RAB11FIP1: variants seen among roughly 807,000 people sequenced by gnomAD.
RAB11FIP1 encodes RAB11 family interacting protein 1, also known as rab11 family-interacting protein 1.
Under a neutral mutation model 83.1 loss-of-function variants are expected in RAB11FIP1, and 49 were observed. That is an observed-to-expected ratio of 0.59 (90% CI 0.47 to 0.75). The LOEUF is 0.75. RAB11FIP1 is among the 30% of genes least tolerant of loss of function. The pLI, the probability that RAB11FIP1 is intolerant of heterozygous loss-of-function variation, is 0.00. For synonymous variants in RAB11FIP1, 670 were observed against 656.0 expected (o/e 1.02, Z -0.33); for missense variants, 1,536 against 1,598.7 (o/e 0.96, Z 0.67).
chr8:37,876,214 A>AAGGAAGGAAGG (rs1806604595), intron 2 of RAB11FIP1, among the ~76,000 whole-genome samples: 9 of 128,384 alleles, frequency 7.0e-5, no homozygotes, highest in East Asian at 6.8e-4. Context: ...GAAAAGAAAG[A>AAGGAAGGAAGG]AAGGAAGGAA....
intron 1 of RAB11FIP1, among the ~76,000 whole-genome samples, chr8:37,890,647 A>C (rs1485361200): frequency 1.3e-5 from 2 of 152,050 alleles, no homozygotes; most frequent in African/African-American, 4.8e-5. Flanking sequence ...CTGCTTCTTC[A>C]AGAAGAAAAG....
chr8:37,898,226 C>A (rs372655423), intron 1 of RAB11FIP1, among the ~76,000 whole-genome samples: 4 of 152,212 alleles, frequency 2.6e-5, no homozygotes, highest in East Asian at 3.9e-4. Flanking sequence ...CAAAAGCGCC[C>A]CAGGCCCGGC....
At chr8:37,894,884 C>T (rs915492980) in intron 1 of RAB11FIP1, among the ~76,000 whole-genome samples, 1 of 150,022 alleles carries the variant, frequency 6.7e-6, no homozygotes, top group Non-Finnish European at 1.5e-5. Flanking sequence ...CGAGTAGCTG[C>T]GATTACAGGC....
intron 5 of RAB11FIP1, among the ~76,000 whole-genome samples, chr8:37,870,079 T>G (rs7816803): frequency 0.74 from 112,400 of 151,882 alleles, 41,861 homozygotes; most frequent in East Asian, 0.98. Context: ...GGAGGATCAC[T>G]TGAGCCCAGG....
chr8:37,890,833 G>A (rs1325693003), intron 1 of RAB11FIP1, among the ~76,000 whole-genome samples: 2 of 151,532 alleles, frequency 1.3e-5, no homozygotes, highest in Non-Finnish European at 2.9e-5. Context: ...CCCCAAACTG[G>A]GAAACCAAAA....
chr8:37,872,181 G>A lies in RAB11FIP1; in HGVS notation c.2621C>T (p.Thr874Met), dbSNP rs146383982. The A allele has an allele frequency of 3.2e-4, 520 of 1,613,944 alleles. No homozygotes were observed. The highest frequency in any genetic ancestry group is 4.1e-4 in the Non-Finnish European group (478 of 1,179,986). ...RESVTTPGPA[T>M]CGAPASPADH... is the part of the protein sequence containing the mutation. ...CGCTGGGGAGGCTGGCGCACCACAC[G>A]TCGCTGGCCCAGGTGTGGTCACCGA... The change falls in exon 4 of 6, where the codon ACG (threonine) becomes ATG (methionine). Residue 874 changes from threonine (T) to methionine (M), a missense_variant. Transcript: ENST00000330843.
intron 5 of RAB11FIP1, among the ~76,000 whole-genome samples, 196 bp from the exon 6 acceptor site, chr8:37,863,309 G>A (rs1303563028): frequency 5.3e-5 from 8 of 151,860 alleles, no homozygotes; most frequent in Admixed American, 3.3e-4. Flanking sequence ...GCAGTGGCGC[G>A]ATCTCAGCTC....
At position 37,861,366 on chromosome 8, in the gene RAB11FIP1, T is replaced by C. The variant is rs1806228454; in HGVS notation, c.*1529A>G. On this transcript the variant is annotated 3_prime_UTR_variant, in exon 6 of 6. Transcript: ENST00000330843. ...CTGAGGCACCTGTTTTCTACTGACT[T>C]TTAACTTTTATTAACTACATTAAGC... The C allele has an allele frequency of 3.7e-6, 1 of 270,020 alleles. No homozygotes were observed. The highest frequency in any genetic ancestry group is 5.2e-5 in the Admixed American group (1 of 19,350). The allele number at this position is 270,020 out of a possible 1,614,324, so 16.7% of individuals were successfully genotyped here. A position where few individuals can be genotyped will look rare whatever the true frequency, so the allele number is the denominator to read the frequency against.
chr8:37,894,113 G>C (rs1427910718), intron 1 of RAB11FIP1, among the ~76,000 whole-genome samples: 1 of 152,134 alleles, frequency 6.6e-6, no homozygotes, highest in Non-Finnish European at 1.5e-5. Context: ...TTCCAGTAAG[G>C]CTCAATATTA....
rs1281491611 is a variant in RAB11FIP1 at position 37,871,695 on chromosome 8, T to TG, written c.3106dup (p.Gln1036ProfsTer29). On this transcript the variant is annotated frameshift_variant, in exon 4 of 6. Coordinates refer to ENST00000330843, the MANE Select transcript of RAB11FIP1 (RefSeq NM_001002814.3). LOFTEE classifies it high-confidence loss of function. ...CTCTGAAGGAGCTGTCACAGATGCCTGGGGTGCTTGCAGCCTGAAATCACA... is the reference window on the plus strand; with the variant it reads ...CTCTGAAGGAGCTGTCACAGATGCCTGGGGGTGCTTGCAGCCTGAAATCACA... 2 of 1,613,714 alleles carry TG rather than the reference T, an allele frequency of 1.2e-6. No individual in the cohort carries two copies. Among genetic ancestry groups the TG allele is most frequent in the African/African-American group, 2.7e-5 (2 of 74,926 alleles).
intron 1 of RAB11FIP1, among the ~76,000 whole-genome samples, chr8:37,892,244 C>T (rs1482729195): frequency 6.6e-6 from 1 of 152,102 alleles, no homozygotes. Context: ...TCCACCTCCA[C>T]AGGTGGCTTG....
chr8:37,882,779 G>A (rs563554767), intron 1 of RAB11FIP1, among the ~76,000 whole-genome samples: 269 of 152,178 alleles, frequency 1.8e-3, no homozygotes, highest in Admixed American at 3.5e-3. Flanking sequence ...TTGCCTTTCC[G>A]AAAGTATCAG....
Position 37,899,497 on chromosome 8 carries a change from C to A in RAB11FIP1, c.-56G>T. 5 of 1,471,546 alleles carry A rather than the reference C, an allele frequency of 3.4e-6. No homozygotes were observed. Among genetic ancestry groups the A allele is most frequent in the Non-Finnish European group, 3.6e-6 (4 of 1,114,392 alleles). The allele number at this position is 1,471,546 out of a possible 1,614,324, so 91.2% of individuals were successfully genotyped here. On this transcript the variant is annotated 5_prime_UTR_variant, in exon 1 of 6. Coordinates refer to ENST00000330843, the MANE Select transcript of RAB11FIP1 (RefSeq NM_001002814.3). The surrounding 1 kb of genome is among the most constrained non-coding windows in gnomAD (Gnocchi z 4.5). ...AGATCGCCGCGACTGGCGGCCTCCA[C>A]GGCCCGCCCCGGCGACCAGGCCACT...
chr8:37,876,564 CT>C (rs1274888095), intron 2 of RAB11FIP1, among the ~76,000 whole-genome samples: 2 of 151,810 alleles, frequency 1.3e-5, no homozygotes, highest in African/African-American at 4.8e-5. Context: ...CGCCACTGCA[CT>C]CCAGCGTGGG....
chr8:37,873,052 C>A lies in RAB11FIP1; in HGVS notation c.1750G>T (p.Ala584Ser), dbSNP rs771117199. The change falls in exon 4 of 6, where the codon GCA becomes TCA. Residue 584 changes from alanine to serine, a missense_variant. By Grantham distance (99) the Ala-to-Ser change is moderately conservative. Transcript: ENST00000330843. ...GGACTCTCAGAGGACTGTGTGTCTGCACCATGTCCCAATTCAGAGGGGACA... is the reference window on the plus strand; with the variant it reads ...GGACTCTCAGAGGACTGTGTGTCTGAACCATGTCCCAATTCAGAGGGGACA... Reference protein sequence around the residue: ...ASVPSELGHGADTQSSESPSV... With the variant: ...ASVPSELGHGSDTQSSESPSV... 2 of 1,614,112 alleles carry A rather than the reference C, an allele frequency of 1.2e-6. No homozygotes were observed. Among genetic ancestry groups the A allele is most frequent in the South Asian group, 1.1e-5 (1 of 91,082 alleles).
chr8:37,869,867 C>A (rs1452139902), intron 5 of RAB11FIP1, among the ~76,000 whole-genome samples: 1 of 152,032 alleles, frequency 6.6e-6, no homozygotes, highest in Non-Finnish European at 1.5e-5. Context: ...ACTGTTCCTG[C>A]AACTTTTTTT....
intron 2 of RAB11FIP1, 134 bp from the exon 3 acceptor site, chr8:37,875,456 C>T (rs1223436339): frequency 5.9e-6 from 4 of 680,814 alleles, no homozygotes; most frequent in East Asian, 5.0e-5. Flanking sequence ...TCGTATCCAG[C>T]AGGTAGAGGA....
chr8:37,874,578 T>G lies in RAB11FIP1; in HGVS notation c.1559A>C (p.Lys520Thr), dbSNP rs1375651651. ...ITEPEAEPES[K>T]SEPRPPISSP... ...GGAAATTGGAGGTCTCGGTTCAGACTTGGACTCTGGCTCAGCTTCTGGTTC... is the reference window on the plus strand; with the variant it reads ...GGAAATTGGAGGTCTCGGTTCAGACGTGGACTCTGGCTCAGCTTCTGGTTC... The change falls in exon 3 of 6, where the codon AAG becomes ACG. Residue 520 changes from lysine (K) to threonine (T), a missense_variant. Lys to Thr is a moderately conservative substitution (Grantham distance 78). Transcript: ENST00000330843. 6.2e-7 allele frequency: 1 copy of G among 1,614,154 alleles called. No homozygotes were observed. Among genetic ancestry groups the G allele is most frequent in the African/African-American group, 1.3e-5 (1 of 75,040 alleles).
intron 5 of RAB11FIP1, among the ~76,000 whole-genome samples, chr8:37,867,739 G>A (rs1373643255): frequency 6.6e-6 from 1 of 150,586 alleles, no homozygotes; most frequent in Non-Finnish European, 1.5e-5. Flanking sequence ...AAGGAAGGGA[G>A]GGAGGGAAAG....
Sources: allele counts gnomAD v4.1 joint callset (sites outside exome capture counted in the v4.1 genomes callset), GRCh38; gene constraint gnomAD v4.1.1; non-coding constraint Gnocchi (gnomAD v3.1); transcripts MANE v1.5; gene names NCBI Gene and HGNC (gene_info 2026-07-23, HGNC 2026-07-21).